The following PTPRD variants were observed in gnomAD, a reference collection of about 807,000 sequenced individuals.
PTPRD encodes protein tyrosine phosphatase receptor type D.
PTPRD carries 34 observed loss-of-function variants against 214.5 expected under a neutral mutation model. The ratio of observed to expected loss-of-function variants is 0.16; its 90% CI spans 0.12 to 0.21. The LOEUF (loss-of-function observed/expected upper bound fraction) is 0.21. PTPRD is among the 10% of genes least tolerant of loss of function. PTPRD has a pLI of 1.00. For synonymous variants in PTPRD, 1,128 were observed against 845.7 expected (o/e 1.33, Z -5.79); for missense variants, 2,545 against 2,398.7 (o/e 1.06, Z -1.27).
intron 8 of PTPRD, among the ~76,000 whole-genome samples, chr9:9,569,001 A>T (rs2085479877): frequency 6.6e-6 from 1 of 151,842 alleles, no homozygotes; most frequent in Admixed American, 6.6e-5. Flanking sequence ...AGAGAGAAAA[A>T]GGCAAAGACA....
chr9:9,838,627 G>A (rs2057484701), intron 5 of PTPRD, among the ~76,000 whole-genome samples: 1 of 152,042 alleles, frequency 6.6e-6, no homozygotes, highest in South Asian at 2.1e-4. Context: ...CTTTTTTCTT[G>A]TAAATTTGTT....
At position 9,367,801 on chromosome 9, in the gene PTPRD, G is replaced by T. The variant is rs1166912082; in HGVS notation, c.-203+29648C>A. Reference sequence around the variant, plus strand: ...AAAGCAATCTGAGAAGCACCAAATTGCTGTAATAAGAAAAGGTGACATTTG... The same window carrying T: ...AAAGCAATCTGAGAAGCACCAAATTTCTGTAATAAGAAAAGGTGACATTTG... On this transcript the variant is annotated intron_variant, in intron 9 of 45. Coordinates refer to ENST00000381196, the MANE Select transcript of PTPRD (RefSeq NM_002839.4). 2.0e-5 allele frequency among the ~76,000 whole-genome samples: 3 copies of T among 151,610 alleles called. No individual in the cohort carries two copies. In the Admixed American group the frequency reaches 2.0e-4, roughly 10 times the overall value.
intron 39 of PTPRD, among the ~76,000 whole-genome samples, chr9:8,348,845 G>T (rs1472136660): frequency 6.6e-6 from 1 of 152,072 alleles, no homozygotes; most frequent in Non-Finnish European, 1.5e-5. Context: ...ATTTCCTTTT[G>T]ATTTATTCCT....
chr9:8,992,183 T>G (rs538503265), intron 11 of PTPRD, among the ~76,000 whole-genome samples: 1 of 152,152 alleles, frequency 6.6e-6, no homozygotes, highest in African/African-American at 2.4e-5. Context: ...TGAATGGCTA[T>G]AGAAGGAAAG....
intron 3 of PTPRD, among the ~76,000 whole-genome samples, chr9:10,160,302 G>T (rs1004577746): frequency 2.0e-5 from 3 of 151,982 alleles, no homozygotes; most frequent in Non-Finnish European, 2.9e-5. Context: ...GAAGCATGAG[G>T]ATATTGAGAA....
intron 9 of PTPRD, among the ~76,000 whole-genome samples, chr9:9,258,938 T>G (rs1444135782): frequency 3.3e-5 from 5 of 151,944 alleles, no homozygotes; most frequent in Non-Finnish European, 7.4e-5. Flanking sequence ...GTGCAGACAT[T>G]GATTCATTTT....
intron 10 of PTPRD, among the ~76,000 whole-genome samples, chr9:9,087,983 G>C (rs1438825375): frequency 7.6e-6 from 1 of 132,096 alleles, no homozygotes; most frequent in Non-Finnish European, 1.5e-5. Flanking sequence ...CCAGGTTCAA[G>C]AGATTCTCTT....
Position 8,376,105 on chromosome 9 carries a change from T to A in PTPRD, c.4507-15A>T, listed in dbSNP as rs568907124. The A allele has an allele frequency of 1.9e-6, 3 of 1,611,152 alleles. No individual in the cohort carries two copies. The highest frequency in any genetic ancestry group is 2.5e-6 in the Non-Finnish European group (3 of 1,178,536). On this transcript the variant is annotated splice_polypyrimidine_tract_variant and intron_variant, in intron 38 of 45. Coordinates refer to ENST00000381196, the MANE Select transcript of PTPRD (RefSeq NM_002839.4). ...CTTGAACCATTCTGTGAAATAGGAA[T>A]ATCAGCTGAAATTCTGTTTTCCAAG...
chr9:9,341,308 A>C (rs548077139), intron 9 of PTPRD, among the ~76,000 whole-genome samples: 6 of 152,278 alleles, frequency 3.9e-5, no homozygotes, highest in African/African-American at 1.4e-4. Context: ...TACTTTAGGC[A>C]GATGGGCTCT....
chr9:10,159,680 AG>A (rs551322869), intron 3 of PTPRD, among the ~76,000 whole-genome samples: 143 of 123,142 alleles, frequency 1.2e-3, no homozygotes, highest in African/African-American at 3.4e-3. Flanking sequence ...AAAATCAAAC[AG>A]AAATCTTGGA....
intron 11 of PTPRD, among the ~76,000 whole-genome samples, chr9:8,911,665 C>G (rs2098749454): frequency 1.3e-5 from 2 of 151,820 alleles, no homozygotes; most frequent in Admixed American, 1.3e-4. Flanking sequence ...TTTTAAAAAG[C>G]AATAGGTGAA....
chr9:8,522,855 A>G (rs1388372240), intron 19 of PTPRD, among the ~76,000 whole-genome samples: 1 of 152,212 alleles, frequency 6.6e-6, no homozygotes, highest in African/African-American at 2.4e-5. Context: ...TTTAAAAATT[A>G]TAAATAAACT....
At chr9:9,970,903 T>C (rs1246581048) in intron 4 of PTPRD, among the ~76,000 whole-genome samples, 1 of 152,206 alleles carries the variant, frequency 6.6e-6, no homozygotes, top group Non-Finnish European at 1.5e-5. Flanking sequence ...GAACTGGTAG[T>C]TAAATACAGA....
intron 9 of PTPRD, among the ~76,000 whole-genome samples, chr9:9,224,375 C>T (rs906824124): frequency 5.3e-5 from 8 of 151,970 alleles, no homozygotes; most frequent in African/African-American, 1.4e-4. Flanking sequence ...GTTCTCATTG[C>T]GTAAACTTCA....
At chr9:9,202,858 T>C (rs1236037931) in intron 9 of PTPRD, among the ~76,000 whole-genome samples, 1 of 152,206 alleles carries the variant, frequency 6.6e-6, no homozygotes, top group Non-Finnish European at 1.5e-5. Context: ...CTTTTCTAAC[T>C]GTTCTTTAGT....
intron 5 of PTPRD, among the ~76,000 whole-genome samples, chr9:9,890,483 G>A (rs1456163563): frequency 1.3e-5 from 2 of 152,082 alleles, no homozygotes; most frequent in Non-Finnish European, 2.9e-5. Context: ...ACAGGTATGA[G>A]CCACATGACC....
intron 2 of PTPRD, among the ~76,000 whole-genome samples, chr9:10,482,240 G>T (rs534163799): frequency 6.6e-6 from 1 of 151,728 alleles, no homozygotes; most frequent in Non-Finnish European, 1.5e-5. Context: ...GCGTGGTGGC[G>T]GGTGCCTGTA....
intron 11 of PTPRD, among the ~76,000 whole-genome samples, chr9:8,996,052 C>A (rs763527086): frequency 4.6e-5 from 7 of 151,970 alleles, no homozygotes; most frequent in Non-Finnish European, 8.8e-5. Context: ...TTGGCAGTTT[C>A]TTATAAAGGT....
intron 5 of PTPRD, among the ~76,000 whole-genome samples, chr9:9,934,562 T>A (rs1049669120): frequency 6.6e-6 from 1 of 151,230 alleles, no homozygotes; most frequent in South Asian, 2.1e-4. Flanking sequence ...AATAACAGGA[T>A]CTGAAATTAT....
Sources: allele counts gnomAD v4.1 joint callset (sites outside exome capture counted in the v4.1 genomes callset), GRCh38; gene constraint gnomAD v4.1.1; transcripts MANE v1.5; gene names NCBI Gene and HGNC (gene_info 2026-07-23, HGNC 2026-07-21).